The following LRRC72 variants were observed in gnomAD, a reference collection of about 807,000 sequenced individuals.
LRRC72 encodes the protein leucine-rich repeat-containing protein 72.
In LRRC72, 41 loss-of-function variants were observed where a neutral mutation model predicts 35.8. The observed-to-expected ratio is 1.15, with a 90% CI of 0.89 to 1.49. The LOEUF is 1.49. LRRC72 is among the 40% of genes most tolerant of loss of function. LRRC72 has a pLI of 0.00. For missense variants in LRRC72, 389 were observed against 330.7 expected (o/e 1.18, Z -1.37); for synonymous variants, 118 against 119.2 (o/e 0.99, Z 0.07).
chr7:16,563,781 A>G (rs951095674), intron 5 of LRRC72, among the ~76,000 whole-genome samples: 6 of 152,232 alleles, frequency 3.9e-5, no homozygotes, highest in Non-Finnish European at 7.3e-5. Flanking sequence ...ATGCCTGTCA[A>G]GTTATTTAAC....
chr7:16,581,248 T>C, intron 8 of LRRC72, 76 bp from the exon 9 acceptor site: 3 of 1,291,742 alleles, frequency 2.3e-6, no homozygotes, highest in Middle Eastern at 2.4e-4. Flanking sequence ...TTGATTCATT[T>C]GAATAAAAAT....
chr7:16,561,695 T>C (rs932018770), intron 5 of LRRC72, among the ~76,000 whole-genome samples: 49 of 152,188 alleles, frequency 3.2e-4, no homozygotes, highest in African/African-American at 1.2e-3. Context: ...TATGTCCAAT[T>C]ACAAAAAACA....
chr7:16,546,353 G>T (rs567100212), intron 3 of LRRC72, among the ~76,000 whole-genome samples: 9 of 152,056 alleles, frequency 5.9e-5, no homozygotes, highest in African/African-American at 2.2e-4. Context: ...ATAATTCTTG[G>T]TGGTAGAGTC....
At chr7:16,552,364 ACACGCAGAAATGGGACTCCAGAG>A (rs1782567052) in intron 3 of LRRC72, among the ~76,000 whole-genome samples, 1 of 150,616 alleles carries the variant, frequency 6.6e-6, no homozygotes, top group Admixed American at 6.7e-5. Context: ...TACCTCTGGA[ACACGCAGAAATGGGACTCCAGAG>A]CACGTGAAAG....
chr7:16,564,923 T>A (rs1287108416), intron 5 of LRRC72, among the ~76,000 whole-genome samples: 2 of 152,206 alleles, frequency 1.3e-5, no homozygotes, highest in Non-Finnish European at 2.9e-5. Context: ...TCCGAGTTTC[T>A]AATGCTTACT....
chr7:16,576,042 G>A (rs1013784497), intron 7 of LRRC72, among the ~76,000 whole-genome samples: 1 of 152,082 alleles, frequency 6.6e-6, no homozygotes, highest in African/African-American at 2.4e-5. Flanking sequence ...GTATTTTATT[G>A]CATTTGAAAC....
chr7:16,559,362 C>G (rs1023025083), intron 5 of LRRC72, among the ~76,000 whole-genome samples: 5 of 151,574 alleles, frequency 3.3e-5, no homozygotes, highest in African/African-American at 1.2e-4. Flanking sequence ...CCACTGGACT[C>G]TATCCTGGGT....
In LRRC72 at chr7:16,567,394, T is replaced by G; in HGVS notation, c.521T>G (p.Val174Gly). ...PGVELLDRNQ[V>G]TEKERRSMIT... is the part of the protein sequence containing the mutation. ...CATTACTTTTTGCATTTATCAGAAG[T>G]TACAGAAAAAGAAAGAAGATCAATG... Residue 174 changes from valine (V) to glycine (G), a missense_variant, in exon 7 of 9, where the codon GTT (valine) becomes GGT (glycine). Val to Gly is a moderately radical substitution (Grantham distance 109, BLOSUM62 -3). Coordinates refer to ENST00000401542, the MANE Select transcript of LRRC72 (RefSeq NM_001195280.2). 5 of 1,479,446 alleles carry G rather than the reference T, an allele frequency of 3.4e-6. No homozygotes were observed. Among genetic ancestry groups the G allele is most frequent in the Non-Finnish European group, 4.5e-6 (5 of 1,111,950 alleles). 91.6% of individuals were successfully genotyped at this position (1,479,446 alleles called of 1,614,324 possible). A position where few individuals can be genotyped will look rare whatever the true frequency, so the allele number is the denominator to read the frequency against.
At chr7:16,534,919 C>T (rs537068049) in intron 2 of LRRC72, among the ~76,000 whole-genome samples, 45 of 152,226 alleles carry the variant, frequency 3.0e-4, no homozygotes, top group African/African-American at 1.0e-3. Context: ...GCTTTGAGGC[C>T]AGACGTGGTG....
intron 2 of LRRC72, among the ~76,000 whole-genome samples, chr7:16,536,003 GC>G (rs1782250910): frequency 6.6e-6 from 1 of 152,124 alleles, no homozygotes; most frequent in Admixed American, 6.5e-5. Flanking sequence ...CTCCTAAGTA[GC>G]TGGGATTACA....
At chr7:16,533,591 T>C (rs1368302473) in intron 2 of LRRC72, among the ~76,000 whole-genome samples, 4 of 152,146 alleles carry the variant, frequency 2.6e-5, no homozygotes, top group African/African-American at 7.2e-5. Flanking sequence ...GAAAATGCCT[T>C]AGTTTATCAA....
At chr7:16,541,944 G>GACAGACAGACACACACACAC (rs1554393676) in intron 3 of LRRC72, among the ~76,000 whole-genome samples, 1 of 149,364 alleles carries the variant, frequency 6.7e-6, no homozygotes, top group Admixed American at 6.7e-5. Flanking sequence ...CAGACAGACA[G>GACAGACAGACACACACACAC]ACACACACAC....
chr7:16,568,226 AT>A, intron 7 of LRRC72, among the ~76,000 whole-genome samples: 1 of 152,310 alleles, frequency 6.6e-6, no homozygotes, highest in Admixed American at 6.5e-5. Flanking sequence ...AGTGTGCTTT[AT>A]GATTACAAGG....
chr7:16,563,573 C>CT (rs1320716214), intron 5 of LRRC72, among the ~76,000 whole-genome samples: 1 of 152,154 alleles, frequency 6.6e-6, no homozygotes, highest in African/African-American at 2.4e-5. Flanking sequence ...TCATAGAAGG[C>CT]TTTCAGAACA....
chr7:16,565,697 C>T (rs965772365), intron 5 of LRRC72, among the ~76,000 whole-genome samples: 12 of 152,178 alleles, frequency 7.9e-5, no homozygotes, highest in African/African-American at 2.7e-4. Flanking sequence ...TATCACACAT[C>T]CTAGCACCTG....
chr7:16,541,642 G>A (rs542988992), intron 3 of LRRC72, among the ~76,000 whole-genome samples: 6 of 152,312 alleles, frequency 3.9e-5, no homozygotes, highest in South Asian at 2.1e-4. Context: ...GGCTGGGCAC[G>A]GTGGCTCATG....
chr7:16,527,452 A>AGG (rs1491151840), intron 1 of LRRC72, among the ~76,000 whole-genome samples: 2 of 126,194 alleles, frequency 1.6e-5, no homozygotes, highest in Non-Finnish European at 3.7e-5. Flanking sequence ...ATTCTCCAAC[A>AGG]GGGGTGTGTG....
intron 5 of LRRC72, among the ~76,000 whole-genome samples, chr7:16,562,505 A>G (rs1362920243): frequency 2.0e-5 from 3 of 152,202 alleles, no homozygotes; most frequent in East Asian, 3.9e-4. Flanking sequence ...TGCATGCCAT[A>G]ATTGTTAAGA....
chr7:16,547,353 G>A lies in LRRC72; in HGVS notation c.234+9657G>A, dbSNP rs150400937. Among the ~76,000 whole-genome samples the A allele has an allele frequency of 7.9e-4, 120 of 152,212 alleles. 1 individual carries two copies. In the Middle Eastern group the frequency reaches 0.014, roughly 17 times the overall value. On this transcript the variant is annotated intron_variant, in intron 3 of 8. Coordinates refer to ENST00000401542, the MANE Select transcript of LRRC72 (RefSeq NM_001195280.2). ...CCCAAGGCAGAGCTGGGACTGAGGT[G>A]GTGCCATGCTCCACGGAGATAGCAG... is the stretch of plus-strand genomic sequence containing the variant.
Sources: gnomAD v4.1 joint callset for allele counts (sites outside exome capture counted in the v4.1 genomes callset) on GRCh38, gnomAD v4.1.1 for gene constraint, MANE v1.5 for transcripts, NCBI Gene and HGNC (gene_info 2026-07-23, HGNC 2026-07-21) for gene names.